Variants in GTF3C2 observed in about 807,000 individuals in gnomAD.
The protein encoded by GTF3C2 is general transcription factor IIIC subunit 2.
GTF3C2 carries 17 observed loss-of-function variants against 117.4 expected under a neutral mutation model. The ratio of observed to expected loss-of-function variants is 0.14; its 90% CI spans 0.10 to 0.22. The LOEUF is 0.22. Ranked by LOEUF, GTF3C2 falls within the 10% of genes least tolerant of loss-of-function variation. The pLI, the probability that GTF3C2 is intolerant of heterozygous loss-of-function variation, is 1.00. For missense variants in GTF3C2, 888 were observed against 1,143.6 expected (o/e 0.78, Z 3.22); for synonymous variants, 437 against 427.0 (o/e 1.02, Z -0.29).
chr2:27,331,572 G>A lies in GTF3C2; in HGVS notation c.1733-2049C>T, dbSNP rs1487412830. ...GATCTCTTGACCTGGTGATCTGCCC[G>A]CCTCGGCCTTCCAAAGTGCTGGGAT... On this transcript the variant is annotated intron_variant, in intron 12 of 18. Coordinates refer to ENST00000264720, the Ensembl canonical transcript of GTF3C2. Among the ~76,000 whole-genome samples, 9 of 151,938 alleles carry A rather than the reference G, an allele frequency of 5.9e-5. No homozygotes were observed. The East Asian group carries it at 9.8e-4, about 17-fold the overall frequency.
exon 9 of GTF3C2, chr2:27,335,922 G>A (rs200528231): frequency 1.1e-5 from 18 of 1,596,408 alleles, no homozygotes; most frequent in Admixed American, 8.3e-5. Flanking sequence ...AGTACCTTCC[G>A]AGGGGTGCCT....
At chr2:27,328,562 G>A (rs1324910959) in exon 16 of GTF3C2, 2 of 1,610,308 alleles carry the variant, frequency 1.2e-6, no homozygotes, top group African/African-American at 2.7e-5. Flanking sequence ...ATCTCCTGCA[G>A]CTATTGTCCC....
intron 1 of GTF3C2, 186 bp downstream of exon 1, chr2:27,356,553 G>A (rs1339276479): frequency 2.9e-5 from 6 of 204,522 alleles, no homozygotes; most frequent in Non-Finnish European, 5.2e-5. Context: ...GTGCACGGTG[G>A]CCACAGTAGG....
intron 1 of GTF3C2, among the ~76,000 whole-genome samples, chr2:27,348,182 G>A (rs1023075394): frequency 2.0e-5 from 3 of 151,858 alleles, no homozygotes; most frequent in African/African-American, 7.3e-5. Flanking sequence ...CAGGAGAACT[G>A]CTTGAACCCG....
chr2:27,334,625 T>C (rs1680393803), intron 10 of GTF3C2, among the ~76,000 whole-genome samples: 1 of 151,756 alleles, frequency 6.6e-6, no homozygotes, highest in African/African-American at 2.4e-5. Flanking sequence ...CCTCAATTAC[T>C]GGTTCCCCTT....
chr2:27,344,614 T>C lies in GTF3C2; in HGVS notation c.-24-1036A>G, dbSNP rs527915950. 5.3e-5 allele frequency among the ~76,000 whole-genome samples: 8 copies of C among 152,322 alleles called. No homozygotes were observed. The South Asian group carries it at 1.4e-3, about 28-fold the overall frequency. The stretch of plus-strand genomic sequence containing the variant: ...AAGAGCTGCCAGATACTACAAAATT[T>C]AGACCAAAGTGAAGAGGCATACTTA... On this transcript the variant is annotated intron_variant, in intron 1 of 18. Transcript: ENST00000264720.
In GTF3C2 at chr2:27,328,189, G is replaced by A. The variant is rs1026402879; in HGVS notation, c.2257C>T (p.Pro753Ser). The A allele has an allele frequency of 4.5e-6, 7 of 1,568,092 alleles. No homozygotes were observed. The highest frequency in any genetic ancestry group is 3.4e-6 in the Non-Finnish European group (4 of 1,160,874). Reference sequence around the variant, plus strand: ...GGTATCAGATCTGCTTTATATATAGGCTGGAAAGGAGACCATGAAATTAGG... The same window carrying A: ...GGTATCAGATCTGCTTTATATATAGACTGGAAAGGAGACCATGAAATTAGG... The change falls in exon 17 of 19, where the codon CCT (proline) becomes TCT (serine). Residue 753 changes from proline to serine, a missense_variant and splice_region_variant. Physicochemically the swap from Pro to Ser is moderately conservative, Grantham distance 74 (BLOSUM62 -1). Transcript: ENST00000264720.
chr2:27,345,920 G>T (rs917150710), intron 1 of GTF3C2, among the ~76,000 whole-genome samples: 1 of 151,220 alleles, frequency 6.6e-6, no homozygotes, highest in Non-Finnish European at 1.5e-5. Flanking sequence ...TCACCATGTT[G>T]ACCAGGCTGG....
chr2:27,339,019 C>G (rs1464203804), intron 4 of GTF3C2, among the ~76,000 whole-genome samples: 1 of 152,114 alleles, frequency 6.6e-6, no homozygotes, highest in Non-Finnish European at 1.5e-5. Context: ...GTCATGTAAA[C>G]CTGACTCAGT....
chr2:27,354,115 C>T (rs887706265), intron 1 of GTF3C2, among the ~76,000 whole-genome samples: 1 of 144,358 alleles, frequency 6.9e-6, no homozygotes, highest in African/African-American at 2.6e-5. Context: ...GTCTCAACAA[C>T]AACAACAAAA....
intron 1 of GTF3C2, among the ~76,000 whole-genome samples, chr2:27,348,687 C>A (rs1681006745): frequency 1.3e-5 from 2 of 151,882 alleles, no homozygotes; most frequent in Non-Finnish European, 2.9e-5. Context: ...GCCTGTGATC[C>A]CAGCTACTCA....
chr2:27,333,445 G>A (rs1680348459), intron 12 of GTF3C2, among the ~76,000 whole-genome samples: 2 of 151,792 alleles, frequency 1.3e-5, no homozygotes, highest in Non-Finnish European at 1.5e-5. Flanking sequence ...GTGAGCTACC[G>A]CGCCTGGCCC....
chr2:27,336,398 C>G (rs1448638795), exon 8 of GTF3C2: 5 of 1,606,742 alleles, frequency 3.1e-6, no homozygotes, highest in Non-Finnish European at 4.3e-6. Context: ...CATCCCAGCG[C>G]TCTGGATGTG....
chr2:27,342,666 T>C (rs1055742015), intron 3 of GTF3C2, 160 bp downstream of exon 3: 17 of 618,292 alleles, frequency 2.7e-5, no homozygotes, highest in African/African-American at 1.3e-4. Flanking sequence ...ATACCATTAA[T>C]AGTGCTGCGG....
chr2:27,328,084 T>C, exon 17 of GTF3C2: 1 of 1,612,154 alleles, frequency 6.2e-7, no homozygotes, highest in South Asian at 1.1e-5. Context: ...ACAGTTTCAG[T>C]GTAAGTTCGA....
chr2:27,334,645 A>AT (rs67035659), intron 10 of GTF3C2, among the ~76,000 whole-genome samples: 322 of 144,036 alleles, frequency 2.2e-3, no homozygotes, highest in South Asian at 3.3e-3. Context: ...TCACAGCGAA[A>AT]TTTTTTTTTT....
chr2:27,331,303 A>G (rs1185045785), intron 12 of GTF3C2, among the ~76,000 whole-genome samples: 2 of 152,214 alleles, frequency 1.3e-5, no homozygotes, highest in African/African-American at 4.8e-5. Context: ...TTCCTAGCAG[A>G]AAGTCTACTT....
At chr2:27,350,302 C>A in intron 1 of GTF3C2, 1 of 528,028 alleles carries the variant, frequency 1.9e-6, no homozygotes. Flanking sequence ...CCTAGTTCTA[C>A]CCCAGACCTA....
At chr2:27,350,364 T>C in intron 1 of GTF3C2, 1 of 961,436 alleles carries the variant, frequency 1.0e-6, no homozygotes, top group South Asian at 4.8e-5. Context: ...AACAAGCTCT[T>C]CAGGGGATTC....
Sources: gnomAD v4.1 joint callset for allele counts (sites outside exome capture counted in the v4.1 genomes callset) on GRCh38, gnomAD v4.1.1 for gene constraint, MANE v1.5 for transcripts, NCBI Gene and HGNC (gene_info 2026-07-23, HGNC 2026-07-21) for gene names.